NDST3: variants seen among roughly 807,000 people sequenced by gnomAD.
NDST3 encodes N-deacetylase and N-sulfotransferase 3, also known as bifunctional heparan sulfate N-deacetylase/N-sulfotransferase 3.
Under a neutral mutation model 96.1 loss-of-function variants are expected in NDST3, and 58 were observed. The ratio of observed to expected loss-of-function variants is 0.60; its 90% confidence interval spans 0.49 to 0.75. The LOEUF is 0.75. Ranked by LOEUF, NDST3 falls within the 30% of genes least tolerant of loss-of-function variation. The pLI is 0.00. For missense variants in NDST3, 788 were observed against 1,034.2 expected (o/e 0.76, Z 3.27); for synonymous variants, 333 against 359.7 (o/e 0.93, Z 0.84).
chr4:118,058,624 TGTGTGTGTGTGCGCGC>T (rs1313033164), intron 2 of NDST3, among the ~76,000 whole-genome samples: 68 of 41,312 alleles, frequency 1.6e-3, no homozygotes, highest in African/African-American at 2.6e-3. Flanking sequence ...TGTGTGTGTG[TGTGTGTGTGTGCGCGC>T]GCGCGCACGC....
intron 4 of NDST3, among the ~76,000 whole-genome samples, chr4:118,116,207 T>C (rs1250856646): frequency 1.3e-5 from 2 of 152,194 alleles, no homozygotes; most frequent in Admixed American, 6.5e-5. Context: ...ATATTGACAA[T>C]GTTAATCACT....
intron 3 of NDST3, 88 bp downstream of exon 3, chr4:118,105,193 C>A: frequency 1.1e-6 from 1 of 877,358 alleles, no homozygotes; most frequent in Admixed American, 2.2e-5. Flanking sequence ...CACTGTCCTA[C>A]ATTCCCTATG....
intron 3 of NDST3, among the ~76,000 whole-genome samples, chr4:118,106,953 C>T (rs1429954350): frequency 2.6e-5 from 4 of 151,926 alleles, no homozygotes; most frequent in African/African-American, 9.7e-5. Context: ...AGCCAGGCAT[C>T]GTGGCAGGCC....
chr4:118,233,187 T>C (rs1319153615), intron 9 of NDST3, 52 bp downstream of exon 9: 3 of 1,387,586 alleles, frequency 2.2e-6, no homozygotes, highest in Non-Finnish European at 2.9e-6. Flanking sequence ...GTGCACAGTA[T>C]AAACTTAGCA....
chr4:118,208,616 A>G lies in NDST3; in HGVS notation c.1540-15875A>G, dbSNP rs1327793332. 2.8e-5 allele frequency among the ~76,000 whole-genome samples: 4 copies of G among 143,988 alleles called. No homozygotes were observed. In the East Asian group the frequency reaches 7.9e-4, roughly 28 times the overall value. 94.5% of individuals were successfully genotyped at this position (143,988 alleles called of 152,430 possible). On this transcript the variant is annotated intron_variant, in intron 6 of 13. Coordinates refer to ENST00000296499, the MANE Select transcript of NDST3 (RefSeq NM_004784.3). ...GTCAAGCCCTAGTATATTCTCTCTA[A>G]TAAAGGAACAGTTCATGGGTGACTT...
chr4:118,085,255 C>T (rs1459704235), intron 2 of NDST3, among the ~76,000 whole-genome samples: 2 of 152,124 alleles, frequency 1.3e-5, no homozygotes, highest in Non-Finnish European at 2.9e-5. Flanking sequence ...TATCAAAAGT[C>T]TTCTGAAATG....
intron 1 of NDST3, among the ~76,000 whole-genome samples, chr4:118,037,641 A>G (rs1451464400): frequency 6.6e-6 from 1 of 152,174 alleles, no homozygotes; most frequent in African/African-American, 2.4e-5. Context: ...ATACTCATTC[A>G]TTCACCCAGG....
intron 2 of NDST3, among the ~76,000 whole-genome samples, chr4:118,083,022 C>A (rs1728143488): frequency 1.3e-5 from 2 of 152,150 alleles, no homozygotes; most frequent in African/African-American, 4.8e-5. Flanking sequence ...ATCAACCCCA[C>A]ATGATTCAGT....
intron 2 of NDST3, among the ~76,000 whole-genome samples, chr4:118,068,495 A>G (rs1450739922): frequency 6.6e-6 from 1 of 152,092 alleles, no homozygotes; most frequent in Non-Finnish European, 1.5e-5. Flanking sequence ...ATCACTTATC[A>G]ATACAAGACA....
intron 6 of NDST3, among the ~76,000 whole-genome samples, chr4:118,209,249 T>G (rs1303804699): frequency 6.6e-6 from 1 of 152,180 alleles, no homozygotes; most frequent in Non-Finnish European, 1.5e-5. Context: ...TAAAAAAGGA[T>G]GTCTATTAAT....
At chr4:118,148,574 G>C (rs923645224) in intron 6 of NDST3, among the ~76,000 whole-genome samples, 3 of 151,976 alleles carry the variant, frequency 2.0e-5, no homozygotes, top group Non-Finnish European at 4.4e-5. Context: ...GATGTGAATA[G>C]AGTGAATATC....
At chr4:118,052,947 A>G (rs1170573883) in intron 1 of NDST3, among the ~76,000 whole-genome samples, 1 of 152,054 alleles carries the variant, frequency 6.6e-6, no homozygotes, top group Non-Finnish European at 1.5e-5. Context: ...ACATTTTTAA[A>G]AACATTTTTG....
intron 6 of NDST3, among the ~76,000 whole-genome samples, chr4:118,144,840 C>A (rs1057252063): frequency 6.6e-6 from 1 of 152,024 alleles, no homozygotes; most frequent in Admixed American, 6.6e-5. Context: ...ATAGTCCCTG[C>A]AAATAAAATT....
intron 4 of NDST3, among the ~76,000 whole-genome samples, chr4:118,122,214 C>G (rs1165451046): frequency 6.6e-6 from 1 of 152,148 alleles, no homozygotes; most frequent in Non-Finnish European, 1.5e-5. Flanking sequence ...TACTAGTGGG[C>G]TGGAGTCAGA....
intron 8 of NDST3, among the ~76,000 whole-genome samples, chr4:118,228,017 C>T (rs887217516): frequency 6.6e-6 from 1 of 152,054 alleles, no homozygotes; most frequent in African/African-American, 2.4e-5. Flanking sequence ...ATTTGGGGCC[C>T]TTGGTTACTG....
At chr4:118,195,661 C>T (rs933545077) in intron 6 of NDST3, among the ~76,000 whole-genome samples, 2 of 152,212 alleles carry the variant, frequency 1.3e-5, no homozygotes, top group African/African-American at 2.4e-5. Flanking sequence ...ACACTGTTCA[C>T]TATTAGCATA....
chr4:118,213,233 C>T (rs565794728), intron 6 of NDST3, among the ~76,000 whole-genome samples: 1 of 152,300 alleles, frequency 6.6e-6, no homozygotes, highest in South Asian at 2.1e-4. Context: ...CATTCATGAA[C>T]TCCAGTAGAC....
At chr4:118,165,214 C>A (rs1368901386) in intron 6 of NDST3, among the ~76,000 whole-genome samples, 2 of 151,894 alleles carry the variant, frequency 1.3e-5, no homozygotes, top group Non-Finnish European at 2.9e-5. Context: ...CACTCACAGG[C>A]TGAAAGTGAA....
intron 5 of NDST3, among the ~76,000 whole-genome samples, chr4:118,139,643 G>A (rs551579228): frequency 1.3e-5 from 2 of 152,116 alleles, no homozygotes; most frequent in African/African-American, 2.4e-5. Flanking sequence ...TTATTTTGCT[G>A]TATGAGAGCA....
Sources: allele counts gnomAD v4.1 joint callset (sites outside exome capture counted in the v4.1 genomes callset), GRCh38; gene constraint gnomAD v4.1.1; transcripts MANE v1.5; gene names NCBI Gene and HGNC (gene_info 2026-07-23, HGNC 2026-07-21).